FER: variants seen among roughly 807,000 people sequenced by gnomAD.
FER encodes tyrosine-protein kinase Fer.
Under a neutral mutation model 111.0 loss-of-function variants are expected in FER, and 63 were observed. The observed-to-expected ratio is 0.57, with a 90% confidence interval of 0.46 to 0.70. The LOEUF is 0.70. FER is among the 30% of genes least tolerant of loss of function. The pLI is 0.00. For missense variants in FER, 914 were observed against 954.0 expected, an observed-to-expected ratio of 0.96 and a Z score of 0.55; for synonymous variants, 327 against 313.9, an observed-to-expected ratio of 1.04 and a Z score of -0.44.
chr5:109,070,887 A>G (rs543366648), intron 16 of FER, among the ~76,000 whole-genome samples: 36 of 152,020 alleles, frequency 2.4e-4, no homozygotes, highest in Non-Finnish European at 5.2e-4. Context: ...TATTTCATGT[A>G]TCTTTTGCTG....
intron 5 of FER, among the ~76,000 whole-genome samples, chr5:108,844,086 G>A (rs986023470): frequency 2.3e-5 from 3 of 131,732 alleles, no homozygotes; most frequent in East Asian, 1.9e-4. Context: ...ACATATATGC[G>A]TGTGAACATA....
At chr5:109,053,203 G>A (rs1381282960) in intron 16 of FER, among the ~76,000 whole-genome samples, 2 of 151,960 alleles carry the variant, frequency 1.3e-5, no homozygotes, top group African/African-American at 4.8e-5. Flanking sequence ...GGCCAACATA[G>A]CGAAACCCCA....
rs368405094 is a variant in FER, at chr5:109,037,404, T to A, written c.1657-18T>A. ...ACCCTTGCTTGTACTAAACAACTGT[T>A]CTTATTCTTTGCTGTAGGACAAGAA... On this transcript the variant is annotated intron_variant, in intron 13 of 19. Transcript: ENST00000281092. 6.2e-7 allele frequency: 1 copy of A among 1,607,320 alleles called. No homozygotes were observed. Among genetic ancestry groups the A allele is most frequent in the African/African-American group, 1.3e-5 (1 of 74,702 alleles).
At chr5:108,914,084 C>G (rs1024613001) in intron 10 of FER, among the ~76,000 whole-genome samples, 1 of 152,082 alleles carries the variant, frequency 6.6e-6, no homozygotes, top group Non-Finnish European at 1.5e-5. Context: ...GTTACAGGGA[C>G]TTTTTCAATC....
At chr5:108,828,879 A>T (rs866508646) in intron 3 of FER, among the ~76,000 whole-genome samples, 7 of 152,236 alleles carry the variant, frequency 4.6e-5, no homozygotes, top group Non-Finnish European at 7.4e-5. Flanking sequence ...AGGATGATTG[A>T]TTGAGGCCAG....
intron 13 of FER, among the ~76,000 whole-genome samples, chr5:108,990,350 CTT>C (rs1456941692): frequency 6.6e-6 from 1 of 151,704 alleles, no homozygotes; most frequent in East Asian, 1.9e-4. Flanking sequence ...ATATACTAGA[CTT>C]AGAGTTTTCT....
At chr5:109,069,648 G>A (rs1775540779) in intron 16 of FER, among the ~76,000 whole-genome samples, 1 of 152,118 alleles carries the variant, frequency 6.6e-6, no homozygotes, top group African/African-American at 2.4e-5. Flanking sequence ...GTGAGGATAG[G>A]TTCTGGTAGT....
chr5:109,022,722 T>G (rs912677786), intron 13 of FER, among the ~76,000 whole-genome samples: 20 of 152,036 alleles, frequency 1.3e-4, no homozygotes, highest in Admixed American at 1.3e-3. Context: ...CATGAACTTG[T>G]AGAGGAAAAC....
At chr5:109,162,629 T>G (rs967137605) in intron 17 of FER, among the ~76,000 whole-genome samples, 1 of 152,110 alleles carries the variant, frequency 6.6e-6, no homozygotes, top group African/African-American at 2.4e-5. Flanking sequence ...TTTAATACAT[T>G]TATTTTCTGG....
At chr5:109,053,256 C>G (rs2149934380) in intron 16 of FER, among the ~76,000 whole-genome samples, 1 of 151,740 alleles carries the variant, frequency 6.6e-6, no homozygotes, top group Admixed American at 6.6e-5. Flanking sequence ...TGGTGCATGC[C>G]TGTGTAATCT....
chr5:108,850,612 G>A (rs1762460305), intron 5 of FER, among the ~76,000 whole-genome samples: 1 of 151,988 alleles, frequency 6.6e-6, no homozygotes, highest in Non-Finnish European at 1.5e-5. Context: ...TTTTCTATTA[G>A]AAAACATTAA....
At chr5:108,908,261 A>C (rs1397922539) in intron 10 of FER, among the ~76,000 whole-genome samples, 1 of 152,222 alleles carries the variant, frequency 6.6e-6, no homozygotes, top group African/African-American at 2.4e-5. Flanking sequence ...ATGCATGGCT[A>C]ATTTGCTGTA....
At chr5:108,880,871 T>G (rs1765609341) in intron 8 of FER, among the ~76,000 whole-genome samples, 1 of 152,160 alleles carries the variant, frequency 6.6e-6, no homozygotes, top group African/African-American at 2.4e-5. Flanking sequence ...TGTTTCACTC[T>G]AAATAAAAAT....
intron 13 of FER, among the ~76,000 whole-genome samples, chr5:108,978,393 G>C (rs560019249): frequency 2.0e-5 from 3 of 152,014 alleles, no homozygotes; most frequent in Admixed American, 6.6e-5. Context: ...CCCAGAATGT[G>C]GTCTGTTATT....
intron 13 of FER, among the ~76,000 whole-genome samples, chr5:108,972,399 C>A (rs1172229654): frequency 6.6e-6 from 1 of 152,132 alleles, no homozygotes; most frequent in Non-Finnish European, 1.5e-5. Context: ...ACTTCTGAGG[C>A]AGAACATCTC....
intron 17 of FER, 108 bp downstream of exon 17, chr5:109,100,627 C>T (rs932850921): frequency 1.7e-6 from 2 of 1,151,276 alleles, no homozygotes; most frequent in African/African-American, 1.6e-5. Flanking sequence ...CATGTCTTTT[C>T]TTGTTTTCTG....
intron 10 of FER, among the ~76,000 whole-genome samples, chr5:108,902,480 A>G (rs1333554521): frequency 1.3e-5 from 2 of 152,222 alleles, no homozygotes; most frequent in African/African-American, 4.8e-5. Context: ...GGTGAAGCCA[A>G]AAGAAACAGT....
At chr5:109,138,938 A>C (rs1753202666) in intron 17 of FER, among the ~76,000 whole-genome samples, 1 of 152,226 alleles carries the variant, frequency 6.6e-6, no homozygotes, top group African/African-American at 2.4e-5. Flanking sequence ...TTGAGAGTAC[A>C]TTTCTAACAG....
intron 16 of FER, among the ~76,000 whole-genome samples, chr5:109,073,028 G>T (rs1167874713): frequency 6.6e-6 from 1 of 152,012 alleles, no homozygotes; most frequent in Admixed American, 6.6e-5. Flanking sequence ...AAAGACACTA[G>T]TCATTGGTTT....
Sources: allele counts gnomAD v4.1 joint callset (sites outside exome capture counted in the v4.1 genomes callset), GRCh38; gene constraint gnomAD v4.1.1; transcripts MANE v1.5; gene names NCBI Gene and HGNC (gene_info 2026-07-23, HGNC 2026-07-21).